The following PKP4 variants were observed in gnomAD, a reference collection of about 807,000 sequenced individuals.
The protein encoded by PKP4 is plakophilin-4.
Under a neutral mutation model 145.1 loss-of-function variants are expected in PKP4, and 90 were observed. The observed-to-expected ratio is 0.62, with a 90% CI of 0.52 to 0.74. PKP4 has a LOEUF of 0.74. PKP4 is among the 30% of genes least tolerant of loss of function. PKP4 has a pLI of 0.00. For synonymous variants in PKP4, 563 were observed against 577.2 expected (o/e 0.98, Z 0.35); for missense variants, 1,340 against 1,482.7 (o/e 0.90, Z 1.58).
intron 1 of PKP4, among the ~76,000 whole-genome samples, chr2:158,476,645 T>A (rs1385170892): frequency 1.3e-5 from 2 of 152,182 alleles, no homozygotes; most frequent in African/African-American, 4.8e-5. Context: ...AAGATTTTAT[T>A]TGAAATAAAA....
At chr2:158,594,241 C>T (rs2049522544) in intron 3 of PKP4, among the ~76,000 whole-genome samples, 1 of 152,130 alleles carries the variant, frequency 6.6e-6, no homozygotes, top group Non-Finnish European at 1.5e-5. Flanking sequence ...GGGTCAGGAA[C>T]AGCTATAGCC....
chr2:158,583,323 C>G (rs1318414007), intron 3 of PKP4, among the ~76,000 whole-genome samples: 1 of 152,140 alleles, frequency 6.6e-6, no homozygotes, highest in Non-Finnish European at 1.5e-5. Context: ...CTACTCCTCC[C>G]TAGGACTTCC....
At chr2:158,530,359 C>T (rs1217726195) in intron 1 of PKP4, among the ~76,000 whole-genome samples, 1 of 152,094 alleles carries the variant, frequency 6.6e-6, no homozygotes, top group Non-Finnish European at 1.5e-5. Context: ...CTCTGTAGAA[C>T]CCTCAAAAAT....
intron 1 of PKP4, among the ~76,000 whole-genome samples, chr2:158,511,688 C>T (rs1277139865): frequency 6.6e-6 from 1 of 152,078 alleles, no homozygotes; most frequent in Admixed American, 6.6e-5. Flanking sequence ...CCCTGCCAAC[C>T]AATTAGGAAT....
chr2:158,619,486 CT>C (rs774853290), intron 4 of PKP4, among the ~76,000 whole-genome samples: 1 of 152,216 alleles, frequency 6.6e-6, no homozygotes, highest in Non-Finnish European at 1.5e-5. Context: ...TGAATTGAAT[CT>C]GACATCAAGT....
rs367683260 is a variant in PKP4, at chr2:158,634,083, T to C, written c.1356T>C (p.Asn452=). The C allele has an allele frequency of 1.6e-4, 252 of 1,606,520 alleles. No individual in the cohort carries two copies. Among genetic ancestry groups the C allele is most frequent in the Non-Finnish European group, 2.0e-4 (237 of 1,173,196 alleles). ...TTGACTTTCTAGTAGGTATTGGAAA[T>C]CTACAAAGGACATCCAGCCAACGAA... The part of the protein sequence containing the change: ...LYRTGSVGIG[N]LQRTSSQRST... The change falls in exon 9 of 22, where the codon AAT becomes AAC. Residue 452 remains asparagine (N), a synonymous_variant. Coordinates refer to ENST00000389759, the MANE Select transcript of PKP4 (RefSeq NM_003628.6).
intron 1 of PKP4, among the ~76,000 whole-genome samples, chr2:158,514,932 C>T (rs946120706): frequency 2.6e-5 from 4 of 151,904 alleles, no homozygotes; most frequent in Non-Finnish European, 2.9e-5. Flanking sequence ...CAGAGTGAGA[C>T]GCTGTCTCAA....
chr2:158,574,029 T>A (rs1054960601), intron 2 of PKP4, among the ~76,000 whole-genome samples: 2 of 152,238 alleles, frequency 1.3e-5, no homozygotes, highest in South Asian at 4.1e-4. Context: ...CTACCAAATA[T>A]GGCTCATCTG....
At chr2:158,553,297 A>G (rs550180532) in intron 2 of PKP4, among the ~76,000 whole-genome samples, 2 of 152,332 alleles carry the variant, frequency 1.3e-5, no homozygotes, top group South Asian at 4.1e-4. Context: ...AACGCCAAGG[A>G]TGTAGATAAC....
intron 1 of PKP4, among the ~76,000 whole-genome samples, chr2:158,514,512 T>A (rs2041777488): frequency 6.6e-6 from 1 of 152,218 alleles, no homozygotes; most frequent in African/African-American, 2.4e-5. Context: ...GAGATAACCA[T>A]CATTCCTCTA....
Position 158,499,131 on chromosome 2 carries a change from A to G in PKP4, c.-5-34049A>G, listed in dbSNP as rs914242318. ...TGGCAGTTACTTCAGATTCTCCACA[A>G]TCTGAGCAGTTTATTATACTATGGT... On this transcript the variant is annotated intron_variant, in intron 1 of 21. Coordinates refer to ENST00000389759, the MANE Select transcript of PKP4 (RefSeq NM_003628.6). Among the ~76,000 whole-genome samples the G allele has an allele frequency of 2.6e-5, 4 of 152,306 alleles. No homozygotes were observed. In the South Asian group the frequency reaches 8.3e-4, roughly 32 times the overall value.
chr2:158,565,477 CAAGT>C (rs2046896472), intron 2 of PKP4, among the ~76,000 whole-genome samples: 1 of 137,662 alleles, frequency 7.3e-6, no homozygotes, highest in African/African-American at 2.8e-5. Context: ...AGATCTAACA[CAAGT>C]AAGAAGTAAC....
intron 7 of PKP4, among the ~76,000 whole-genome samples, chr2:158,631,278 T>C (rs891925298): frequency 2.0e-5 from 3 of 152,098 alleles, no homozygotes; most frequent in African/African-American, 7.2e-5. Flanking sequence ...GCAGTACTTT[T>C]CACGTGTGGC....
intron 19 of PKP4, among the ~76,000 whole-genome samples, chr2:158,675,995 T>C (rs2057975126): frequency 6.6e-6 from 1 of 152,156 alleles, no homozygotes; most frequent in Admixed American, 6.5e-5. Flanking sequence ...ATTTCTCTCT[T>C]CTTTCTGTGC....
chr2:158,635,679 A>G (rs1277079111), intron 9 of PKP4, among the ~76,000 whole-genome samples: 1 of 152,168 alleles, frequency 6.6e-6, no homozygotes, highest in African/African-American at 2.4e-5. Context: ...CATGTATGAT[A>G]ATATACCTCA....
chr2:158,644,022 T>C (rs1395478531), intron 11 of PKP4, among the ~76,000 whole-genome samples: 3 of 152,144 alleles, frequency 2.0e-5, no homozygotes, highest in African/African-American at 7.2e-5. Context: ...CGCCTCAGCC[T>C]CTCAAAGTGC....
At chr2:158,473,982 T>G (rs1692029366) in intron 1 of PKP4, among the ~76,000 whole-genome samples, 2 of 152,208 alleles carry the variant, frequency 1.3e-5, no homozygotes, top group Admixed American at 1.3e-4. Context: ...AGCAAGGTGA[T>G]ACTAAATGAA....
chr2:158,565,048 G>T (rs890714040), intron 2 of PKP4, among the ~76,000 whole-genome samples: 4 of 152,118 alleles, frequency 2.6e-5, no homozygotes, highest in Non-Finnish European at 5.9e-5. Flanking sequence ...TAGAATTTCA[G>T]TCCAACTCTT....
intron 2 of PKP4, among the ~76,000 whole-genome samples, chr2:158,547,132 A>G (rs1291723093): frequency 1.3e-5 from 2 of 152,190 alleles, no homozygotes; most frequent in African/African-American, 4.8e-5. Flanking sequence ...AATTTTTTGT[A>G]AAGTTAAACA....
Sources: gnomAD v4.1 joint callset for allele counts (sites outside exome capture counted in the v4.1 genomes callset) on GRCh38, gnomAD v4.1.1 for gene constraint, MANE v1.5 for transcripts, NCBI Gene and HGNC (gene_info 2026-07-23, HGNC 2026-07-21) for gene names.